CLNK: variants seen among roughly 807,000 people sequenced by gnomAD.
The protein encoded by CLNK is cytokine-dependent hematopoietic cell linker.
CLNK carries 74 observed loss-of-function variants against 68.6 expected under a neutral mutation model. The ratio of observed to expected loss-of-function variants is 1.08; its 90% CI spans 0.89 to 1.31. The LOEUF (loss-of-function observed/expected upper bound fraction) is 1.31, where lower values mean the gene tolerates loss of function less well. Among genes scored for constraint, CLNK ranks in the 50% most tolerant of loss-of-function variants. CLNK has a pLI of 0.00. For synonymous variants in CLNK, 198 were observed against 172.2 expected (o/e 1.15, Z -1.17); for missense variants, 553 against 515.3 (o/e 1.07, Z -0.71).
chr4:10,569,843 G>C (rs749667598), intron 5 of CLNK, among the ~76,000 whole-genome samples: 8 of 152,200 alleles, frequency 5.3e-5, no homozygotes, highest in African/African-American at 1.2e-4. Flanking sequence ...ACCTTATCTT[G>C]TTGTTGTTCA....
intron 2 of CLNK, among the ~76,000 whole-genome samples, chr4:10,605,119 T>C (rs549337652): frequency 4.6e-5 from 7 of 152,326 alleles, no homozygotes; most frequent in East Asian, 1.9e-4. Flanking sequence ...GTTTTAAGAC[T>C]ACAACATCAA....
chr4:10,655,203 C>G (rs1723921112), intron 2 of CLNK, among the ~76,000 whole-genome samples: 1 of 151,544 alleles, frequency 6.6e-6, no homozygotes, highest in African/African-American at 2.4e-5. Flanking sequence ...AAGAAGTTCT[C>G]TCTGTCTCTT....
At chr4:10,673,721 TA>T (rs1298955759) in intron 1 of CLNK, among the ~76,000 whole-genome samples, 2 of 151,298 alleles carry the variant, frequency 1.3e-5, no homozygotes, top group African/African-American at 4.9e-5. Context: ...CTAATGTTAA[TA>T]AAAAAAGAAG....
chr4:10,730,741 C>T, the CLNK span, among the ~76,000 whole-genome samples: 1 of 152,212 alleles, frequency 6.6e-6, no homozygotes, highest in Non-Finnish European at 1.5e-5. Flanking sequence ...TCTATTCTTA[C>T]TTCATTGTGG....
At chr4:10,696,805 T>C in the CLNK span, among the ~76,000 whole-genome samples, 4 of 152,216 alleles carry the variant, frequency 2.6e-5, no homozygotes, top group African/African-American at 9.6e-5. Flanking sequence ...TTCTGTTTTC[T>C]GGGAAACCCA....
intron 8 of CLNK, among the ~76,000 whole-genome samples, chr4:10,555,389 G>A (rs1268801303): frequency 2.0e-5 from 3 of 152,060 alleles, no homozygotes; most frequent in Middle Eastern, 3.2e-3. Context: ...AATAAACCAC[G>A]CTGTATTTGA....
intron 2 of CLNK, among the ~76,000 whole-genome samples, chr4:10,624,931 C>G (rs998857843): frequency 6.6e-6 from 1 of 152,162 alleles, no homozygotes; most frequent in Non-Finnish European, 1.5e-5. Flanking sequence ...TTGAACTTAA[C>G]GTTTTCTCGA....
chr4:10,695,366 T>G, the CLNK span, among the ~76,000 whole-genome samples: 1 of 152,216 alleles, frequency 6.6e-6, no homozygotes, highest in Admixed American at 6.5e-5. Flanking sequence ...CAATTATTAT[T>G]TGTCAACTAA....
upstream of CLNK, among the ~76,000 whole-genome samples, chr4:10,686,254 G>A (rs1725267046): frequency 6.6e-6 from 1 of 152,068 alleles, no homozygotes; most frequent in South Asian, 2.1e-4. Flanking sequence ...GTGAATGATG[G>A]CTCACCCTAA....
chr4:10,689,762 T>TTTTTTTTTA (rs55754483), upstream of CLNK, among the ~76,000 whole-genome samples: 2 of 149,442 alleles, frequency 1.3e-5, no homozygotes, highest in East Asian at 2.0e-4. Flanking sequence ...TTTTTTTTTT[T>TTTTTTTTTA]ACAAATTGTG....
At chr4:10,496,209 A>G (rs896439060) in intron 18 of CLNK, among the ~76,000 whole-genome samples, 1 of 152,254 alleles carries the variant, frequency 6.6e-6, no homozygotes, top group Non-Finnish European at 1.5e-5. Flanking sequence ...GATAGCTACA[A>G]AACTACATGA....
intron 5 of CLNK, among the ~76,000 whole-genome samples, chr4:10,569,645 G>C (rs919448733): frequency 6.6e-6 from 1 of 152,192 alleles, no homozygotes; most frequent in African/African-American, 2.4e-5. Flanking sequence ...ACACCAGTCT[G>C]CAACAGATGC....
chr4:10,558,514 T>C (rs1719765556), intron 7 of CLNK, 62 bp from the exon 8 acceptor site: 2 of 1,480,590 alleles, frequency 1.4e-6, no homozygotes, highest in Non-Finnish European at 1.9e-6. Context: ...ATCTGATGTC[T>C]TGACACTCTC....
At chr4:10,505,481 A>G (rs1374980227) in intron 17 of CLNK, among the ~76,000 whole-genome samples, 1 of 152,228 alleles carries the variant, frequency 6.6e-6, no homozygotes, top group East Asian at 1.9e-4. Flanking sequence ...TGCTATAACA[A>G]ATTACCATGA....
intron 2 of CLNK, among the ~76,000 whole-genome samples, chr4:10,620,524 T>C (rs1722394992): frequency 6.6e-6 from 1 of 152,154 alleles, no homozygotes; most frequent in Non-Finnish European, 1.5e-5. Flanking sequence ...TGCCATTCAT[T>C]CCTCCAAGAG....
At chr4:10,706,182 C>T in the CLNK span, among the ~76,000 whole-genome samples, 1 of 152,194 alleles carries the variant, frequency 6.6e-6, no homozygotes, top group Non-Finnish European at 1.5e-5. Context: ...GAAATTCCAC[C>T]TGTCTCAGCA....
chr4:10,541,219 A>T (rs1416710277), intron 10 of CLNK, among the ~76,000 whole-genome samples: 1 of 122,452 alleles, frequency 8.2e-6, no homozygotes, highest in African/African-American at 3.2e-5. Flanking sequence ...CTCAAAAAAA[A>T]AACAAAAAAA....
chr4:10,662,873 T>C (rs1477281050), intron 2 of CLNK, among the ~76,000 whole-genome samples: 4 of 152,228 alleles, frequency 2.6e-5, no homozygotes, highest in East Asian at 1.9e-4. Context: ...ATTTCACCAA[T>C]GAACAAAACA....
intron 2 of CLNK, among the ~76,000 whole-genome samples, chr4:10,609,848 T>C (rs1721940350): frequency 6.6e-6 from 1 of 152,058 alleles, no homozygotes; most frequent in South Asian, 2.1e-4. Context: ...ATTTTACAAA[T>C]GAGGAAAATG....
Sources: allele counts gnomAD v4.1 joint callset (sites outside exome capture counted in the v4.1 genomes callset), GRCh38; gene constraint gnomAD v4.1.1; transcripts MANE v1.5; gene names NCBI Gene and HGNC (gene_info 2026-07-23, HGNC 2026-07-21).